The following DCTN1 variants were observed in gnomAD, a reference collection of about 807,000 sequenced individuals.
DCTN1 encodes dynactin subunit 1.
DCTN1 carries 61 observed loss-of-function variants against 161.2 expected under a neutral mutation model. The ratio of observed to expected loss-of-function variants is 0.38; its 90% CI spans 0.31 to 0.47. The LOEUF is 0.47. Among genes scored for constraint, DCTN1 ranks in the 20% least tolerant of loss-of-function variants. DCTN1 has a pLI of 0.99. For synonymous variants in DCTN1, 653 were observed against 632.4 expected, an observed-to-expected ratio of 1.03 and a Z score of -0.49; for missense variants, 1,404 against 1,623.7, an observed-to-expected ratio of 0.86 and a Z score of 2.33.
At chr2:74,379,895 C>T (rs1196197299) in intron 1 of DCTN1, 110 bp downstream of exon 1, 2 of 1,146,006 alleles carry the variant, frequency 1.7e-6, no homozygotes, top group Non-Finnish European at 2.6e-6. Flanking sequence ...GTCTGAGTGC[C>T]CTCAGCTGAG....
Position 74,366,796 on chromosome 2 carries a change from G to T in DCTN1, c.2453C>A (p.Ala818Asp). Reference protein sequence around the residue: ...TDAPGIPAALAFGPQVSDTLL... With the variant: ...TDAPGIPAALDFGPQVSDTLL... ...GCAGCCTTAAACCTGTGGTCCAAAG[G>T]CCAGTGCAGCTGGGATCCCAGGAGC... The change falls in exon 21 of 32, where the codon GCC becomes GAC. Residue 818 changes from alanine (A) to aspartate (D), a missense_variant. Ala to Asp is a moderately radical substitution (Grantham distance 126). This residue lies in a region of DCTN1 where 475 missense variants were observed against 489.8 expected (regional missense o/e 0.97). Transcript: ENST00000628224. 1 of 1,614,188 alleles carries T rather than the reference G, an allele frequency of 6.2e-7. No homozygotes were observed. The highest frequency in any genetic ancestry group is 8.5e-7 in the Non-Finnish European group (1 of 1,180,036).
At chr2:74,372,904 TCA>T in intron 7 of DCTN1, 22 bp downstream of exon 7, 1 of 1,613,326 alleles carries the variant, frequency 6.2e-7, no homozygotes, top group Non-Finnish European at 8.5e-7. Flanking sequence ...CAGCAGTGGC[TCA>T]CACAGGGGCC....
At position 74,371,574 on chromosome 2, in the gene DCTN1, G is replaced by A; in HGVS notation, c.608C>T (p.Ser203Phe). ...AGGAAGCGGGGGGACTGCTCCAGGA[G>A]AGGTGAGGACCGGCGTGGGGATGAT... ...APIIPTPVLT[S>F]PGAVPPLPSP... The change falls in exon 8 of 32, where the codon TCT (serine) becomes TTT (phenylalanine). Residue 203 changes from serine (S) to phenylalanine (F), a missense_variant. Around this residue, in one of 9 missense-constraint regions of DCTN1, gnomAD observed 174 missense variants for 175.6 expected, o/e 0.99. Transcript: ENST00000628224. 6.3e-7 allele frequency: 1 copy of A among 1,585,924 alleles called. No homozygotes were observed. Among genetic ancestry groups the A allele is most frequent in the South Asian group, 1.2e-5 (1 of 86,880 alleles).
chr2:74,372,839 C>A, intron 7 of DCTN1, 89 bp downstream of exon 7: 1 of 1,340,184 alleles, frequency 7.5e-7, no homozygotes, highest in African/African-American at 1.4e-5. Flanking sequence ...CGAACTTTCA[C>A]TTGCTCATAC....
intron 8 of DCTN1, 97 bp from the exon 9 acceptor site, chr2:74,371,273 A>C (rs1573165200): frequency 6.2e-7 from 1 of 1,603,254 alleles, no homozygotes; most frequent in East Asian, 2.2e-5. Context: ...TGCAAACATC[A>C]CCCAGCCCCA....
At chr2:74,376,592 G>A in intron 5 of DCTN1, 150 bp downstream of exon 5, 4 of 746,608 alleles carry the variant, frequency 5.4e-6, no homozygotes, top group Non-Finnish European at 9.4e-6. Context: ...ACCCTTCAAA[G>A]GAACTCTGAA....
chr2:74,378,548 C>A (rs1387269032), intron 1 of DCTN1, among the ~76,000 whole-genome samples: 1 of 152,216 alleles, frequency 6.6e-6, no homozygotes, highest in Non-Finnish European at 1.5e-5. Context: ...CTCAGGAGCA[C>A]TGTCTCCTTA....
At chr2:74,378,312 G>A in intron 1 of DCTN1, 67 bp from the exon 2 acceptor site, 3 of 1,582,862 alleles carry the variant, frequency 1.9e-6, no homozygotes, top group Non-Finnish European at 2.6e-6. Context: ...TTATGTATAA[G>A]AAATGCCTCA....
At chr2:74,383,661 C>T (rs781309246), upstream of DCTN1, 8 of 152,088 alleles carry the variant, frequency 5.3e-5, no homozygotes, top group Non-Finnish European at 1.0e-4. Flanking sequence ...AGAGACAGTA[C>T]CAAAAAAGCC....
intron 21 of DCTN1, 32 bp from the exon 22 acceptor site, chr2:74,366,652 C>G: frequency 3.7e-6 from 6 of 1,613,154 alleles, no homozygotes; most frequent in Non-Finnish European, 5.1e-6. Context: ...GGAGTCAACC[C>G]TGGGTTCAGC....
intron 6 of DCTN1, chr2:74,373,431 C>T (rs1397831501): frequency 1.8e-5 from 4 of 216,870 alleles, no homozygotes; most frequent in Non-Finnish European, 3.8e-5. Context: ...ATGTGACGAG[C>T]GTAATCTAAG....
chr2:74,369,762 G>A lies in DCTN1; in HGVS notation c.1392+203C>T, dbSNP rs1255985162. ...TGGGAGGCGGAGGTTGCAGTGAGCC[G>A]AGATTATTGCGCCACTGCGCTCCAG... On this transcript the variant is annotated intron_variant, in intron 13 of 31. Coordinates refer to ENST00000628224, the MANE Select transcript of DCTN1 (RefSeq NM_004082.5). This position sits in a 1 kb window ranked among gnomAD's most constrained non-coding sequence, Gnocchi z 4.9. 6.7e-6 allele frequency among the ~76,000 whole-genome samples: 1 copy of A among 149,662 alleles called. No homozygotes were observed. Among genetic ancestry groups the A allele is most frequent in the Non-Finnish European group, 1.5e-5 (1 of 67,744 alleles).
chr2:74,361,429 G>A lies in DCTN1; in HGVS notation c.*70C>T, dbSNP rs756299486. On this transcript the variant is annotated 3_prime_UTR_variant, in exon 32 of 32. Coordinates refer to ENST00000628224, the MANE Select transcript of DCTN1 (RefSeq NM_004082.5). ...CGTTTCTACCTGGGGGCTGGCTGAG[G>A]TGGCTGTGCATCGGGCAGAGCGGCA... 1.1e-5 allele frequency: 18 copies of A among 1,609,022 alleles called. No individual in the cohort carries two copies. In the East Asian group the frequency reaches 4.0e-4, roughly 36 times the overall value.
intron 1 of DCTN1, among the ~76,000 whole-genome samples, chr2:74,378,654 G>A (rs1013615749): frequency 3.3e-5 from 5 of 152,126 alleles, no homozygotes; most frequent in African/African-American, 1.2e-4. Flanking sequence ...GTCTGAGCTG[G>A]GAAGACAGGC....
At chr2:74,382,843 C>T (rs1189731208), upstream of DCTN1, among the ~76,000 whole-genome samples, 4 of 151,818 alleles carry the variant, frequency 2.6e-5, no homozygotes, top group East Asian at 1.9e-4. Flanking sequence ...GAGGCCGAGG[C>T]GGGTGGATCA....
In DCTN1 at chr2:74,366,875, T is replaced by C. The variant is rs1184031957; in HGVS notation, c.2374A>G (p.Ser792Gly). 3 of 1,614,128 alleles carry C rather than the reference T, an allele frequency of 1.9e-6. No individual in the cohort carries two copies. The highest frequency in any genetic ancestry group is 2.5e-6 in the Non-Finnish European group (3 of 1,180,048). The change falls in exon 21 of 32, where the codon AGT becomes GGT. Residue 792 changes from serine to glycine, a missense_variant. Ser to Gly is a moderately conservative substitution (Grantham distance 56). This residue lies in a region of DCTN1 where 475 missense variants were observed against 489.8 expected (regional missense o/e 0.97). Transcript: ENST00000628224. ...TTCTTGCAGAACTGGCGGATGTCACTGCATGAAGTTTCCAGATCCCGGAGC... is the reference window on the plus strand; with the variant it reads ...TTCTTGCAGAACTGGCGGATGTCACCGCATGAAGTTTCCAGATCCCGGAGC... ...LLLRDLETSC[S>G]DIRQFCKKIR...
In DCTN1 at chr2:74,372,967, C is replaced by A; in HGVS notation, c.433-19G>T. On this transcript the variant is annotated intron_variant, in intron 6 of 31. Coordinates refer to ENST00000628224, the MANE Select transcript of DCTN1 (RefSeq NM_004082.5). ...TTGTGGTCTGGACAGGCAACAGGAG[C>A]CAGAAGAGAAGTAGTCAGGAAAGAA... is the stretch of plus-strand genomic sequence containing the variant. 1 of 1,613,434 alleles carries A rather than the reference C, an allele frequency of 6.2e-7. No homozygotes were observed. The highest frequency in any genetic ancestry group is 1.1e-5 in the South Asian group (1 of 91,064).
At chr2:74,366,694 T>C (rs1674439704) in intron 21 of DCTN1, 74 bp from the exon 22 acceptor site, 18 of 1,614,134 alleles carry the variant, frequency 1.1e-5, no homozygotes, top group Non-Finnish European at 1.5e-5. Context: ...AAAACCATTT[T>C]TGTCCCCTAA....
At chr2:74,389,836 CATT>C (rs1675912627) in intron 1 of DCTN1, among the ~76,000 whole-genome samples, 1 of 152,134 alleles carries the variant, frequency 6.6e-6, no homozygotes, top group South Asian at 2.1e-4. Flanking sequence ...AAATATAAGG[CATT>C]ATTATTATCA....
Sources: allele counts gnomAD v4.1 joint callset (sites outside exome capture counted in the v4.1 genomes callset), GRCh38; gene constraint gnomAD v4.1.1; regional missense constraint gnomAD v4.1.1; non-coding constraint Gnocchi (gnomAD v3.1); transcripts MANE v1.5; gene names NCBI Gene and HGNC (gene_info 2026-07-23, HGNC 2026-07-21).